NEGR1: variants seen among roughly 807,000 people sequenced by gnomAD.
NEGR1 encodes IgLON family member 4.
NEGR1 carries 10 observed loss-of-function variants against 40.9 expected under a neutral mutation model. The observed-to-expected ratio is 0.24, with a 90% confidence interval of 0.15 to 0.42. The LOEUF (loss-of-function observed/expected upper bound fraction) is 0.42, where lower values mean the gene tolerates loss of function less well. NEGR1 is among the 10% of genes least tolerant of loss of function. NEGR1 has a pLI of 1.00. For synonymous variants in NEGR1, 185 were observed against 166.8 expected, an observed-to-expected ratio of 1.11 and a Z score of -0.84; for missense variants, 352 against 438.9, an observed-to-expected ratio of 0.80 and a Z score of 1.77.
intron 6 of NEGR1, among the ~76,000 whole-genome samples, chr1:71,410,690 G>C (rs1265666914): frequency 6.6e-6 from 1 of 152,062 alleles, no homozygotes; most frequent in East Asian, 1.9e-4. Context: ...CCATTGTTAT[G>C]CAACCTTATT....
chr1:71,951,474 T>C (rs1368266722), intron 1 of NEGR1, among the ~76,000 whole-genome samples: 1 of 152,018 alleles, frequency 6.6e-6, no homozygotes, highest in Non-Finnish European at 1.5e-5. Context: ...ATAACAATAC[T>C]TCAAAATGAA....
At chr1:71,810,229 C>G (rs1289133227) in intron 2 of NEGR1, among the ~76,000 whole-genome samples, 2 of 152,068 alleles carry the variant, frequency 1.3e-5, no homozygotes, top group African/African-American at 4.8e-5. Flanking sequence ...GTTCTAGGAC[C>G]TAATGGCTGT....
At chr1:72,219,858 T>C (rs1159042355) in intron 1 of NEGR1, among the ~76,000 whole-genome samples, 1 of 152,106 alleles carries the variant, frequency 6.6e-6, no homozygotes, top group African/African-American at 2.4e-5. Flanking sequence ...ATTATGTATA[T>C]AGTTTGCAAC....
chr1:72,019,346 C>T (rs569537473), intron 1 of NEGR1, among the ~76,000 whole-genome samples: 9 of 152,218 alleles, frequency 5.9e-5, no homozygotes, highest in Admixed American at 2.0e-4. Flanking sequence ...ATAATCACTG[C>T]ACAATTATAA....
chr1:72,130,185 T>A (rs1356580137), intron 1 of NEGR1, among the ~76,000 whole-genome samples: 3 of 152,186 alleles, frequency 2.0e-5, no homozygotes, highest in Non-Finnish European at 2.9e-5. Context: ...AAAACACACA[T>A]AATAGCCTAA....
At position 71,904,472 on chromosome 1, in the gene NEGR1, G is replaced by A. The variant is rs570287272; in HGVS notation, c.409+30607C>T. ...TAGTAGAGACAGAATGTCTGATAAA[G>A]TAATATACACTTAATGCCGTAGCAA... On this transcript the variant is annotated intron_variant, in intron 2 of 6. Transcript: ENST00000357731. 2.6e-5 allele frequency among the ~76,000 whole-genome samples: 4 copies of A among 152,150 alleles called. No homozygotes were observed. In the South Asian group the frequency reaches 6.2e-4, roughly 24 times the overall value.
intron 6 of NEGR1, among the ~76,000 whole-genome samples, chr1:71,495,476 C>T (rs1353706013): frequency 2.2e-5 from 2 of 88,892 alleles, no homozygotes; most frequent in African/African-American, 3.8e-5. Flanking sequence ...GACTCCATCT[C>T]GGAAAAAAAA....
At chr1:71,838,916 T>C (rs1024607874) in intron 2 of NEGR1, among the ~76,000 whole-genome samples, 1 of 152,112 alleles carries the variant, frequency 6.6e-6, no homozygotes. Flanking sequence ...GAATAGTTAA[T>C]ATAAAGTTGA....
intron 2 of NEGR1, among the ~76,000 whole-genome samples, chr1:71,909,208 A>G (rs1267591704): frequency 6.6e-6 from 1 of 152,192 alleles, no homozygotes; most frequent in African/African-American, 2.4e-5. Context: ...TTTTAAGAGA[A>G]GGCATTGCTT....
intron 6 of NEGR1, among the ~76,000 whole-genome samples, chr1:71,474,015 G>C (rs1222787882): frequency 6.6e-6 from 1 of 151,920 alleles, no homozygotes; most frequent in Non-Finnish European, 1.5e-5. Context: ...CACTGGGTAA[G>C]ATCTATAATG....
chr1:72,208,415 A>C (rs936365846), intron 1 of NEGR1, among the ~76,000 whole-genome samples: 5 of 151,734 alleles, frequency 3.3e-5, no homozygotes, highest in African/African-American at 1.2e-4. Flanking sequence ...CATTAGATTT[A>C]TTCACTCAAC....
chr1:72,152,581 G>A (rs1221362534), intron 1 of NEGR1, among the ~76,000 whole-genome samples: 1 of 151,906 alleles, frequency 6.6e-6, no homozygotes, highest in East Asian at 1.9e-4. Context: ...ATTTATCAAA[G>A]AACTTAAAAC....
At chr1:71,527,621 C>T (rs1321738337) in intron 6 of NEGR1, among the ~76,000 whole-genome samples, 1 of 151,506 alleles carries the variant, frequency 6.6e-6, no homozygotes, top group Non-Finnish European at 1.5e-5. Flanking sequence ...CTATCACAAT[C>T]TATGAGATTC....
rs1443246476 is a variant in NEGR1 at position 71,404,013 on chromosome 1, A to C, written c.*3433T>G. 3.0e-6 allele frequency: 1 copy of C among 338,868 alleles called. No individual in the cohort carries two copies. The highest frequency in any genetic ancestry group is 2.1e-5 in the African/African-American group (1 of 47,494). The allele number at this position is 338,868 out of a possible 1,614,324, so 21.0% of individuals were successfully genotyped here. On this transcript the variant is annotated 3_prime_UTR_variant, in exon 7 of 7. Transcript: ENST00000357731. ...AAACAATTTTTATTGAAAAGATTAA[A>C]TAGGTAACTTTTGGCTGTGTCACAA...
At position 71,949,545 on chromosome 1, in the gene NEGR1, C is replaced by T. The variant is rs1477739207; in HGVS notation, c.177-14234G>A. ...CAAATAAAATACTGTGTGACTGCTGCATAAAAGAAAAGATGACATATTCTA... is the reference window on the plus strand; with the variant it reads ...CAAATAAAATACTGTGTGACTGCTGTATAAAAGAAAAGATGACATATTCTA... On this transcript the variant is annotated intron_variant, in intron 1 of 6. Transcript: ENST00000357731. Among the ~76,000 whole-genome samples the T allele has an allele frequency of 2.0e-5, 3 of 152,004 alleles. No individual in the cohort carries two copies. In the East Asian group the frequency reaches 5.8e-4, roughly 29 times the overall value.
intron 1 of NEGR1, among the ~76,000 whole-genome samples, chr1:72,038,856 T>G (rs1167287625): frequency 6.6e-6 from 1 of 152,022 alleles, no homozygotes; most frequent in African/African-American, 2.4e-5. Flanking sequence ...GTATCACCAT[T>G]CAGGTAATCA....
chr1:71,412,828 C>T (rs911600185), intron 6 of NEGR1, among the ~76,000 whole-genome samples: 1 of 152,002 alleles, frequency 6.6e-6, no homozygotes, highest in Non-Finnish European at 1.5e-5. Context: ...AGAGAATACG[C>T]AGCCCTTTAA....
intron 1 of NEGR1, among the ~76,000 whole-genome samples, chr1:72,090,627 T>C (rs1045537917): frequency 1.6e-4 from 24 of 152,162 alleles, no homozygotes; most frequent in Non-Finnish European, 3.1e-4. Flanking sequence ...GATAATTTTT[T>C]TTTTAAACAG....
chr1:72,035,923 G>C (rs1168275355), intron 1 of NEGR1, among the ~76,000 whole-genome samples: 1 of 152,128 alleles, frequency 6.6e-6, no homozygotes, highest in Admixed American at 6.5e-5. Context: ...CTTTCAGTTA[G>C]GAGAGTTCTT....
Sources: allele counts gnomAD v4.1 joint callset (sites outside exome capture counted in the v4.1 genomes callset), GRCh38; gene constraint gnomAD v4.1.1; transcripts MANE v1.5; gene names NCBI Gene and HGNC (gene_info 2026-07-23, HGNC 2026-07-21).